Variants in DTNA observed in about 807,000 individuals in gnomAD.
DTNA encodes the protein dystrobrevin alpha.
In DTNA, 43 loss-of-function variants were observed where a neutral mutation model predicts 100.7. The ratio of observed to expected loss-of-function variants is 0.43; its 90% CI spans 0.33 to 0.55. DTNA has a LOEUF of 0.55. DTNA is among the 20% of genes least tolerant of loss of function. The pLI, the probability that DTNA is intolerant of heterozygous loss-of-function variation, is 0.04. For missense variants in DTNA, 798 were observed against 953.9 expected (o/e 0.84, Z 2.15); for synonymous variants, 349 against 347.9 (o/e 1.00, Z -0.04).
At chr18:34,698,857 C>A (rs2080974626) in intron 1 of DTNA, among the ~76,000 whole-genome samples, 1 of 151,966 alleles carries the variant, frequency 6.6e-6, no homozygotes, top group African/African-American at 2.4e-5. Context: ...GGTAGGTCTG[C>A]CATTCCCAGT....
intron 1 of DTNA, among the ~76,000 whole-genome samples, chr18:34,500,867 A>G (rs1001597663): frequency 3.9e-5 from 6 of 152,224 alleles, no homozygotes; most frequent in African/African-American, 1.4e-4. Flanking sequence ...ATGCTAACTA[A>G]CAGATTAGCT....
chr18:34,799,987 G>C (rs112238352), intron 4 of DTNA, among the ~76,000 whole-genome samples: 335 of 152,220 alleles, frequency 2.2e-3, no homozygotes, highest in African/African-American at 7.9e-3. Context: ...CCAAATAAAG[G>C]GTTTCTGTCT....
chr18:34,810,933 G>A (rs901578433), intron 5 of DTNA, among the ~76,000 whole-genome samples: 11 of 152,150 alleles, frequency 7.2e-5, no homozygotes, highest in Non-Finnish European at 1.3e-4. Context: ...GTCAATTCAT[G>A]TTCTCAAAAC....
chr18:34,845,313 G>T (rs1038174884), intron 13 of DTNA, among the ~76,000 whole-genome samples: 1 of 152,108 alleles, frequency 6.6e-6, no homozygotes. Flanking sequence ...AGGCATGGAC[G>T]TATGAGTTAT....
At chr18:34,809,968 CAT>C (rs1383950193) in intron 5 of DTNA, among the ~76,000 whole-genome samples, 2 of 152,108 alleles carry the variant, frequency 1.3e-5, no homozygotes, top group Admixed American at 6.5e-5. Flanking sequence ...GCAACCTAAA[CAT>C]AAACTTACCT....
At chr18:34,801,854 A>G (rs2095226365) in intron 4 of DTNA, among the ~76,000 whole-genome samples, 2 of 152,200 alleles carry the variant, frequency 1.3e-5, no homozygotes, top group Admixed American at 6.5e-5. Flanking sequence ...TTAATTCTTT[A>G]AGCTTTTTCT....
intron 1 of DTNA, among the ~76,000 whole-genome samples, chr18:34,580,847 C>T (rs1192304006): frequency 6.6e-6 from 1 of 152,168 alleles, no homozygotes; most frequent in Non-Finnish European, 1.5e-5. Flanking sequence ...CCCAAATATT[C>T]AGTGATGATC....
At chr18:34,755,887 C>T (rs747505064) in intron 1 of DTNA, 89 bp from the exon 2 acceptor site, 98 of 1,166,688 alleles carry the variant, frequency 8.4e-5, no homozygotes, top group African/African-American at 6.1e-5. Context: ...GTGTTTGTGT[C>T]ACAAGTACAG....
chr18:34,580,119 C>A (rs527688493), intron 1 of DTNA, among the ~76,000 whole-genome samples: 55 of 152,086 alleles, frequency 3.6e-4, no homozygotes, highest in African/African-American at 1.3e-3. Flanking sequence ...CTGAATGAAT[C>A]CTTCATTTAT....
At chr18:34,874,346 T>TA (rs2096794524) in intron 17 of DTNA, among the ~76,000 whole-genome samples, 1 of 152,338 alleles carries the variant, frequency 6.6e-6, no homozygotes, top group African/African-American at 2.4e-5. Flanking sequence ...TGCATTTTCT[T>TA]ACGCATGTGG....
At chr18:34,521,864 A>G (rs1019194655) in intron 1 of DTNA, among the ~76,000 whole-genome samples, 13 of 152,130 alleles carry the variant, frequency 8.5e-5, no homozygotes, top group Admixed American at 8.5e-4. Flanking sequence ...CTGACACTGA[A>G]GCATACATAT....
At chr18:34,649,633 GA>G (rs1055208687) in intron 1 of DTNA, among the ~76,000 whole-genome samples, 1 of 152,108 alleles carries the variant, frequency 6.6e-6, no homozygotes, top group Non-Finnish European at 1.5e-5. Flanking sequence ...GATTTCTACA[GA>G]AAAAACTTTT....
intron 1 of DTNA, among the ~76,000 whole-genome samples, chr18:34,586,742 T>G (rs979888035): frequency 3.8e-4 from 58 of 152,290 alleles, no homozygotes; most frequent in Non-Finnish European, 2.6e-4. Context: ...AAAACCAAAT[T>G]TTACCCTCAC....
At chr18:34,496,205 A>AACACACACACACACACACACACAC (rs367764683) in intron 1 of DTNA, among the ~76,000 whole-genome samples, 2 of 138,498 alleles carry the variant, frequency 1.4e-5, no homozygotes, top group African/African-American at 5.6e-5. Context: ...CCCTCCCTGC[A>AACACACACACACACACACACACAC]ACACACACAC....
At chr18:34,641,579 A>G (rs1166219768) in intron 1 of DTNA, among the ~76,000 whole-genome samples, 3 of 152,204 alleles carry the variant, frequency 2.0e-5, no homozygotes, top group African/African-American at 7.2e-5. Flanking sequence ...TAATTCATTT[A>G]ATCAATCTAT....
intron 1 of DTNA, among the ~76,000 whole-genome samples, chr18:34,609,824 G>T (rs1299141916): frequency 6.6e-6 from 1 of 152,042 alleles, no homozygotes; most frequent in East Asian, 1.9e-4. Context: ...GCACTGTCTT[G>T]TATGTTTTAA....
In DTNA at chr18:34,863,950, G is replaced by A; in HGVS notation, c.1647-16G>A. ...GAGTTGCATGCCGCTTCTGATGTCA[G>A]CTGCTTCTTTCTTAGACAGCGCAAA... is the stretch of plus-strand genomic sequence containing the variant. On this transcript the variant is annotated splice_polypyrimidine_tract_variant and intron_variant, in intron 16 of 22. Coordinates refer to ENST00000444659, the MANE Select transcript of DTNA (RefSeq NM_001386795.1). The A allele has an allele frequency of 6.2e-7, 1 of 1,601,818 alleles. No homozygotes were observed. The highest frequency in any genetic ancestry group is 8.5e-7 in the Non-Finnish European group (1 of 1,173,244).
At chr18:34,546,731 A>AT (rs1255692695) in intron 1 of DTNA, among the ~76,000 whole-genome samples, 1 of 151,490 alleles carries the variant, frequency 6.6e-6, no homozygotes, top group South Asian at 2.1e-4. Flanking sequence ...ACCTGCCCTT[A>AT]TTTTTTTGTA....
At chr18:34,671,750 T>C (rs1245876105) in intron 1 of DTNA, among the ~76,000 whole-genome samples, 16 of 152,222 alleles carry the variant, frequency 1.1e-4, no homozygotes, top group Non-Finnish European at 1.5e-5. Flanking sequence ...TTTCTTCCTT[T>C]ATTTCTTCAT....
Sources: gnomAD v4.1 joint callset for allele counts (sites outside exome capture counted in the v4.1 genomes callset) on GRCh38, gnomAD v4.1.1 for gene constraint, MANE v1.5 for transcripts, NCBI Gene and HGNC (gene_info 2026-07-23, HGNC 2026-07-21) for gene names.